Variants in SUCLG2 observed in about 807,000 individuals in gnomAD.
SUCLG2 encodes the protein succinate-CoA ligase GDP-forming subunit beta, also known as succinate--CoA ligase [GDP-forming] subunit beta, mitochondrial.
In SUCLG2, 42 loss-of-function variants were observed where a neutral mutation model predicts 47.9. That is an observed-to-expected ratio of 0.88 (90% CI 0.69 to 1.14). SUCLG2 has a LOEUF of 1.14. SUCLG2 is among the 50% of genes most tolerant of loss of function. The probability of loss-of-function intolerance (pLI) is 0.00; values close to 1 mark genes in which losing one functional copy is unlikely to be tolerated. For missense variants in SUCLG2, 571 were observed against 525.9 expected (o/e 1.09, Z -0.84); for synonymous variants, 195 against 197.3 (o/e 0.99, Z 0.10).
chr3:67,487,406 A>G (rs1259373316), intron 9 of SUCLG2, among the ~76,000 whole-genome samples: 1 of 152,148 alleles, frequency 6.6e-6, no homozygotes, highest in Non-Finnish European at 1.5e-5. Flanking sequence ...CAAAATTTAT[A>G]TAAACAAATT....
intron 2 of SUCLG2, among the ~76,000 whole-genome samples, chr3:67,537,665 G>A (rs1706584072): frequency 6.6e-6 from 1 of 152,158 alleles, no homozygotes; most frequent in African/African-American, 2.4e-5. Context: ...TACAATGGTT[G>A]AACTAATTTA....
intron 2 of SUCLG2, among the ~76,000 whole-genome samples, chr3:67,540,962 G>T (rs1706689591): frequency 6.6e-6 from 1 of 152,194 alleles, no homozygotes; most frequent in South Asian, 2.1e-4. Flanking sequence ...TAGCAGAGGG[G>T]ACTGACTGTT....
intron 1 of SUCLG2, among the ~76,000 whole-genome samples, chr3:67,642,429 A>C (rs1701117387): frequency 6.6e-6 from 1 of 151,914 alleles, no homozygotes; most frequent in African/African-American, 2.4e-5. Flanking sequence ...ACAAAGCAAG[A>C]CCTTGTCTCT....
At chr3:67,416,248 T>A (rs1011933113) in intron 9 of SUCLG2, among the ~76,000 whole-genome samples, 4 of 152,192 alleles carry the variant, frequency 2.6e-5, no homozygotes, top group African/African-American at 7.2e-5. Context: ...AATAAGAATT[T>A]AGGTAGCTCT....
chr3:67,568,095 C>G (rs578078766), intron 2 of SUCLG2, among the ~76,000 whole-genome samples: 1 of 152,246 alleles, frequency 6.6e-6, no homozygotes, highest in South Asian at 2.1e-4. Context: ...GAGACCAGGA[C>G]AGCAAAAGAA....
intron 1 of SUCLG2, among the ~76,000 whole-genome samples, chr3:67,650,204 A>G (rs1701262193): frequency 6.6e-6 from 1 of 152,206 alleles, no homozygotes; most frequent in Non-Finnish European, 1.5e-5. Context: ...GTAAGTCACA[A>G]CTTCCAATGC....
At chr3:67,368,544 G>A (rs1405784779) in intron 10 of SUCLG2, among the ~76,000 whole-genome samples, 2 of 151,896 alleles carry the variant, frequency 1.3e-5, no homozygotes, top group Non-Finnish European at 2.9e-5. Flanking sequence ...CATTCATGGT[G>A]AATCATACAA....
intron 2 of SUCLG2, among the ~76,000 whole-genome samples, chr3:67,536,421 C>T (rs1474903628): frequency 6.6e-6 from 1 of 152,186 alleles, no homozygotes; most frequent in African/African-American, 2.4e-5. Flanking sequence ...TGGTGATAGG[C>T]GCCCTCACAG....
chr3:67,617,376 T>C (rs1868674), intron 1 of SUCLG2, among the ~76,000 whole-genome samples: 70,966 of 152,000 alleles, frequency 0.47, 17,057 homozygotes, highest in African/African-American at 0.57. Flanking sequence ...AGAAAAGTAA[T>C]CATCGGGATT....
At chr3:67,528,013 A>C in intron 4 of SUCLG2, 119 bp downstream of exon 4, 3 of 858,780 alleles carry the variant, frequency 3.5e-6, no homozygotes, top group South Asian at 3.6e-5. Context: ...GCTTTAAAAA[A>C]TAAAATGGCA....
At chr3:67,409,303 A>G (rs1191993907) in intron 9 of SUCLG2, among the ~76,000 whole-genome samples, 1 of 152,158 alleles carries the variant, frequency 6.6e-6, no homozygotes, top group Non-Finnish European at 1.5e-5. Flanking sequence ...CCTCCTCTCC[A>G]TGTCTGAAAC....
chr3:67,627,959 G>C (rs768188754), intron 1 of SUCLG2, among the ~76,000 whole-genome samples: 2 of 152,154 alleles, frequency 1.3e-5, no homozygotes, highest in Non-Finnish European at 2.9e-5. Context: ...ACTGCCTCCT[G>C]CAAGTTATAA....
chr3:67,446,864 A>G (rs1292157660), intron 9 of SUCLG2, among the ~76,000 whole-genome samples: 1 of 152,180 alleles, frequency 6.6e-6, no homozygotes, highest in African/African-American at 2.4e-5. Context: ...TTTATTTTAA[A>G]TTGTGACATA....
intron 9 of SUCLG2, among the ~76,000 whole-genome samples, chr3:67,406,614 G>T (rs1189283981): frequency 6.6e-6 from 1 of 152,166 alleles, no homozygotes. Context: ...AAAGAGTGTG[G>T]TGCATTTGAG....
At chr3:67,592,744 A>C (rs915569785) in intron 2 of SUCLG2, among the ~76,000 whole-genome samples, 49 of 146,780 alleles carry the variant, frequency 3.3e-4, no homozygotes, top group East Asian at 1.2e-3. Context: ...AAACAACAAA[A>C]AAAAACTGAA....
intron 10 of SUCLG2, among the ~76,000 whole-genome samples, chr3:67,393,747 T>C (rs140470124): frequency 0.031 from 4,723 of 152,232 alleles, 124 homozygotes; most frequent in Non-Finnish European, 0.044. Context: ...CCCTGACCCC[T>C]GAGCAGCCTA....
intron 1 of SUCLG2, among the ~76,000 whole-genome samples, chr3:67,647,503 T>C (rs546858180): frequency 1.3e-5 from 2 of 152,356 alleles, no homozygotes; most frequent in South Asian, 2.1e-4. Context: ...CTTGAAACGC[T>C]GAGGGCAGTA....
intron 1 of SUCLG2, among the ~76,000 whole-genome samples, chr3:67,612,874 G>T (rs1700556501): frequency 6.6e-6 from 1 of 152,154 alleles, no homozygotes; most frequent in Admixed American, 6.5e-5. Context: ...TCCTCCTCGG[G>T]TTTAACTAAT....
At chr3:67,449,934 A>C (rs1427603734) in intron 9 of SUCLG2, among the ~76,000 whole-genome samples, 1 of 152,212 alleles carries the variant, frequency 6.6e-6, no homozygotes, top group African/African-American at 2.4e-5. Context: ...TTTAAAGCTT[A>C]AATACATTAT....
Sources: allele counts gnomAD v4.1 joint callset (sites outside exome capture counted in the v4.1 genomes callset), GRCh38; gene constraint gnomAD v4.1.1; transcripts MANE v1.5; gene names NCBI Gene and HGNC (gene_info 2026-07-23, HGNC 2026-07-21).